BNC2: variants seen among roughly 807,000 people sequenced by gnomAD.
The protein encoded by BNC2 is basonuclin zinc finger protein 2.
Under a neutral mutation model 76.3 loss-of-function variants are expected in BNC2, and 20 were observed. The ratio of observed to expected loss-of-function variants is 0.26; its 90% CI spans 0.18 to 0.38. BNC2 has a LOEUF of 0.38. Ranked by LOEUF, BNC2 falls within the 10% of genes least tolerant of loss-of-function variation. BNC2 has a pLI of 1.00. For synonymous variants in BNC2, 582 were observed against 514.8 expected (o/e 1.13, Z -1.77); for missense variants, 1,382 against 1,399.8 (o/e 0.99, Z 0.20).
At chr9:16,460,824 T>C (rs1197327844) in intron 5 of BNC2, among the ~76,000 whole-genome samples, 2 of 152,012 alleles carry the variant, frequency 1.3e-5, no homozygotes, top group African/African-American at 4.8e-5. Flanking sequence ...GACACAGCAG[T>C]ACTCGTGAAA....
In BNC2 at chr9:16,760,938, T is replaced by C. The variant is rs112943769; in HGVS notation, c.4-22453A>G. Among the ~76,000 whole-genome samples the C allele has an allele frequency of 3.9e-5, 6 of 152,210 alleles. 1 individual carries two copies. The highest frequency in any genetic ancestry group is 1.4e-4 in the African/African-American group (6 of 41,552). ...TGAACCAAGAAGTTCTGTTATCCCT[T>C]ATCCCCACTTAAGAATTTTCAGGGC... On this transcript the variant is annotated intron_variant, in intron 1 of 6. Transcript: ENST00000380672.
intron 5 of BNC2, among the ~76,000 whole-genome samples, chr9:16,478,105 C>A (rs1351847184): frequency 6.6e-6 from 1 of 152,128 alleles, no homozygotes; most frequent in African/African-American, 2.4e-5. Context: ...ATGGCTCGAA[C>A]TGTTCTATGT....
At chr9:16,685,807 G>C (rs776808255) in intron 3 of BNC2, among the ~76,000 whole-genome samples, 1 of 152,148 alleles carries the variant, frequency 6.6e-6, no homozygotes. Context: ...ATGTAACAAA[G>C]TTTATTAACT....
At position 16,454,619 on chromosome 9, in the gene BNC2, G is replaced by A. The variant is rs539405237; in HGVS notation, c.670-17095C>T. On this transcript the variant is annotated intron_variant, in intron 5 of 6. Coordinates refer to ENST00000380672, the MANE Select transcript of BNC2 (RefSeq NM_017637.6). ...CAACACAATTTTTATGAATTATGCTGTTCTTATACCTAATTTGTTTCTGTT... is the reference window on the plus strand; with the variant it reads ...CAACACAATTTTTATGAATTATGCTATTCTTATACCTAATTTGTTTCTGTT... Among the ~76,000 whole-genome samples, 50 of 152,190 alleles carry A rather than the reference G, an allele frequency of 3.3e-4. No homozygotes were observed. In the South Asian group the frequency reaches 1.0e-2, roughly 30 times the overall value.
chr9:16,599,826 T>C (rs1228598288), intron 3 of BNC2, among the ~76,000 whole-genome samples: 8 of 152,202 alleles, frequency 5.3e-5, no homozygotes, highest in Non-Finnish European at 1.5e-5. Flanking sequence ...CTTTCATACA[T>C]CTGCATTTTT....
chr9:16,460,742 C>G (rs1821561240), intron 5 of BNC2, among the ~76,000 whole-genome samples: 1 of 152,052 alleles, frequency 6.6e-6, no homozygotes, highest in Admixed American at 6.6e-5. Context: ...TACCCTGAGC[C>G]TCAGTTACCC....
At chr9:16,589,651 T>C (rs916846066) in intron 3 of BNC2, among the ~76,000 whole-genome samples, 2 of 151,924 alleles carry the variant, frequency 1.3e-5, no homozygotes, top group South Asian at 2.1e-4. Flanking sequence ...TGGGATTACA[T>C]GCACGCACCA....
chr9:16,662,705 C>T (rs879269564), intron 3 of BNC2, among the ~76,000 whole-genome samples: 1 of 152,074 alleles, frequency 6.6e-6, no homozygotes, highest in Non-Finnish European at 1.5e-5. Flanking sequence ...CACTGCACTC[C>T]AGCCTGGGTG....
At chr9:16,870,598 T>C in intron 1 of BNC2, 48 bp downstream of exon 1, 1 of 1,605,042 alleles carries the variant, frequency 6.2e-7, no homozygotes, top group South Asian at 1.1e-5. Context: ...GGGGGTCATT[T>C]CTGAGGAAGT....
At chr9:16,736,716 C>T (rs1365677027) in intron 2 of BNC2, among the ~76,000 whole-genome samples, 13 of 151,210 alleles carry the variant, frequency 8.6e-5, no homozygotes, top group South Asian at 4.2e-4. Context: ...CCTTGTGATC[C>T]GCCTCTCTCG....
chr9:16,434,912 T>C lies in BNC2; in HGVS notation c.2639+643A>G, dbSNP rs757188627. 4.1e-5 allele frequency: 19 copies of C among 467,490 alleles called. 1 individual carries two copies. Among genetic ancestry groups the C allele is most frequent in the South Asian group, 2.6e-4 (17 of 64,572 alleles). 29.0% of individuals were successfully genotyped at this position (467,490 alleles called of 1,614,324 possible). A position where few individuals can be genotyped will look rare whatever the true frequency, so the allele number is the denominator to read the frequency against. On this transcript the variant is annotated intron_variant, in intron 6 of 6. Coordinates refer to ENST00000380672, the MANE Select transcript of BNC2 (RefSeq NM_017637.6). ...TAAGATAAAGAAACCCACACGACCA[T>C]ACCATTTTCCCACATCAACAATTAC...
At chr9:16,737,331 A>G (rs1396559708) in intron 2 of BNC2, among the ~76,000 whole-genome samples, 4 of 141,366 alleles carry the variant, frequency 2.8e-5, no homozygotes, top group African/African-American at 1.1e-4. Context: ...GCTTACTGCA[A>G]GCTCCGCCTC....
chr9:16,502,722 A>C (rs1024804221), intron 5 of BNC2, among the ~76,000 whole-genome samples: 6 of 152,226 alleles, frequency 3.9e-5, no homozygotes, highest in African/African-American at 1.4e-4. Context: ...CAGGAAAATC[A>C]TACTTTACAT....
intron 3 of BNC2, among the ~76,000 whole-genome samples, chr9:16,595,269 T>C (rs12002665): frequency 0.011 from 1,665 of 152,286 alleles, 28 homozygotes; most frequent in African/African-American, 0.038. Context: ...CTGTGTATCA[T>C]AATTATCTCT....
chr9:16,807,413 T>G lies in BNC2; in HGVS notation c.3+63233A>C, dbSNP rs984065131. Among the ~76,000 whole-genome samples, 79 of 152,190 alleles carry G rather than the reference T, an allele frequency of 5.2e-4. 1 individual carries two copies. The highest frequency in any genetic ancestry group is 1.8e-3 in the Admixed American group (27 of 15,276). Reference sequence around the variant, plus strand: ...CCCATGATCACAAAAAGAAATAAGATACCATATTATTACATCAGTCTACAA... The same window carrying G: ...CCCATGATCACAAAAAGAAATAAGAGACCATATTATTACATCAGTCTACAA... On this transcript the variant is annotated intron_variant, in intron 1 of 6. Coordinates refer to ENST00000380672, the MANE Select transcript of BNC2 (RefSeq NM_017637.6).
At chr9:16,580,687 T>C (rs989780206) in intron 4 of BNC2, among the ~76,000 whole-genome samples, 5 of 152,126 alleles carry the variant, frequency 3.3e-5, no homozygotes, top group African/African-American at 9.7e-5. Flanking sequence ...AAGGCTACCA[T>C]AGTAGATAGA....
chr9:16,483,675 C>T (rs1241629658), intron 5 of BNC2, among the ~76,000 whole-genome samples: 1 of 152,154 alleles, frequency 6.6e-6, no homozygotes, highest in Non-Finnish European at 1.5e-5. Flanking sequence ...TAACTCAAAT[C>T]CAAGCAAATT....
At chr9:16,475,969 T>G (rs1412414500) in intron 5 of BNC2, 1 of 152,228 alleles carries the variant, frequency 6.6e-6, no homozygotes, top group South Asian at 2.1e-4. Flanking sequence ...TTTAATCAAA[T>G]GCACCATGTC....
Position 16,832,368 on chromosome 9 carries a change from G to A in BNC2, c.3+38278C>T, listed in dbSNP as rs149361633. The A allele has an allele frequency of 8.2e-5, 99 of 1,202,278 alleles. No homozygotes were observed. In the African/African-American group the frequency reaches 1.5e-3, roughly 18 times the overall value. The allele number at this position is 1,202,278 out of a possible 1,614,324, so 74.5% of individuals were successfully genotyped here. ...CAGGCAATCTGTGAAACAGAACAGAGAACACAATATGTTTTGCCCAGTTTT... is the reference window on the plus strand; with the variant it reads ...CAGGCAATCTGTGAAACAGAACAGAAAACACAATATGTTTTGCCCAGTTTT... On this transcript the variant is annotated intron_variant, in intron 1 of 6. Coordinates refer to ENST00000380672, the MANE Select transcript of BNC2 (RefSeq NM_017637.6).
Sources: allele counts gnomAD v4.1 joint callset (sites outside exome capture counted in the v4.1 genomes callset), GRCh38; gene constraint gnomAD v4.1.1; transcripts MANE v1.5; gene names NCBI Gene and HGNC (gene_info 2026-07-23, HGNC 2026-07-21).